TUSC3: variants seen among roughly 807,000 people sequenced by gnomAD.
The protein encoded by TUSC3 is dolichyl-diphosphooligosaccharide--protein glycosyltransferase subunit TUSC3.
A neutral mutation model predicts 44.8 loss-of-function variants in TUSC3; 45 were observed. That is an observed-to-expected ratio of 1.00 (90% CI 0.79 to 1.29). The LOEUF (loss-of-function observed/expected upper bound fraction) is 1.29, where lower values mean the gene tolerates loss of function less well. Among genes scored for constraint, TUSC3 ranks in the 50% most tolerant of loss-of-function variants. The pLI is 0.00. For missense variants in TUSC3, 519 were observed against 437.9 expected (o/e 1.19, Z -1.65); for synonymous variants, 212 against 152.9 (o/e 1.39, Z -2.85).
chr8:15,611,455 G>A (rs138794524), intron 1 of TUSC3, among the ~76,000 whole-genome samples: 2 of 152,264 alleles, frequency 1.3e-5, no homozygotes, highest in Non-Finnish European at 2.9e-5. Flanking sequence ...CCAAAGTGCT[G>A]GGATTACAGG....
intron 7 of TUSC3, among the ~76,000 whole-genome samples, chr8:15,733,933 A>G (rs757992108): frequency 2.6e-5 from 4 of 152,112 alleles, no homozygotes; most frequent in Non-Finnish European, 4.4e-5. Context: ...GGTTCTAGCT[A>G]CTTGGGAGGC....
intron 3 of TUSC3, among the ~76,000 whole-genome samples, chr8:15,659,289 TG>T (rs1807314470): frequency 6.6e-6 from 1 of 152,116 alleles, no homozygotes; most frequent in African/African-American, 2.4e-5. Flanking sequence ...GAATGATGTA[TG>T]TTAAATGTGA....
At chr8:15,613,101 GTGTT>G (rs1804832994) in intron 1 of TUSC3, among the ~76,000 whole-genome samples, 2 of 148,264 alleles carry the variant, frequency 1.3e-5, no homozygotes, top group African/African-American at 5.0e-5. Flanking sequence ...TATTTTATAT[GTGTT>G]TGTGTGTGTG....
intron 2 of TUSC3, among the ~76,000 whole-genome samples, chr8:15,629,559 T>TG (rs999965211): frequency 5.3e-5 from 8 of 151,118 alleles, no homozygotes; most frequent in African/African-American, 1.9e-4. Flanking sequence ...TCTTGTTTTT[T>TG]TTTTTTTTTT....
At chr8:15,676,807 T>G (rs1808211357) in intron 6 of TUSC3, among the ~76,000 whole-genome samples, 1 of 152,182 alleles carries the variant, frequency 6.6e-6, no homozygotes, top group Non-Finnish European at 1.5e-5. Context: ...AGATGTAATT[T>G]TGACTTCCTG....
chr8:15,652,954 G>C (rs896027066), intron 3 of TUSC3, among the ~76,000 whole-genome samples: 1 of 152,138 alleles, frequency 6.6e-6, no homozygotes, highest in African/African-American at 2.4e-5. Flanking sequence ...GATACCTGAT[G>C]TACTAAGTAC....
intron 1 of TUSC3, among the ~76,000 whole-genome samples, chr8:15,541,529 C>T (rs891011501): frequency 6.6e-6 from 1 of 152,144 alleles, no homozygotes; most frequent in African/African-American, 2.4e-5. Context: ...TGGGTAGAGA[C>T]AGTGAAAAAA....
chr8:15,685,267 C>G (rs934995395), intron 6 of TUSC3, among the ~76,000 whole-genome samples: 16 of 152,206 alleles, frequency 1.1e-4, no homozygotes, highest in Middle Eastern at 3.4e-3. Context: ...TTCCTTCACT[C>G]ACCGCTTCCT....
intron 1 of TUSC3, among the ~76,000 whole-genome samples, chr8:15,604,294 G>A (rs892298140): frequency 6.6e-6 from 1 of 151,576 alleles, no homozygotes; most frequent in Non-Finnish European, 1.5e-5. Flanking sequence ...AAAAGAGGGG[G>A]AAAGTAAGAT....
chr8:15,667,021 G>C (rs768475782), intron 5 of TUSC3, among the ~76,000 whole-genome samples: 2 of 151,448 alleles, frequency 1.3e-5, no homozygotes, highest in African/African-American at 4.8e-5. Context: ...TTTAGCATTT[G>C]AATGTTCTTG....
chr8:15,662,557 A>C (rs1255831989), intron 5 of TUSC3, among the ~76,000 whole-genome samples: 1 of 152,010 alleles, frequency 6.6e-6, no homozygotes, highest in African/African-American at 2.4e-5. Flanking sequence ...ACATCTAGAA[A>C]TATGGTAAGA....
the TUSC3 span, among the ~76,000 whole-genome samples, chr8:15,771,863 C>T: frequency 9.9e-5 from 15 of 152,068 alleles, no homozygotes; most frequent in African/African-American, 3.6e-4. Context: ...CCGAGACAGG[C>T]GGATCACAAG....
chr8:15,517,091 A>G (rs1030662402), intron 2 of TUSC3, among the ~76,000 whole-genome samples: 1 of 152,110 alleles, frequency 6.6e-6, no homozygotes, highest in South Asian at 2.1e-4. Flanking sequence ...CAATAGCTGC[A>G]TTTTCAATGG....
rs527289537 is a variant in TUSC3, at chr8:15,423,388, C to T, written n.91+6083C>T. Among the ~76,000 whole-genome samples, 37 of 152,274 alleles carry T rather than the reference C, an allele frequency of 2.4e-4. 1 individual carries two copies. The highest frequency in any genetic ancestry group is 2.0e-3 in the Admixed American group (31 of 15,290). Reference sequence around the variant, plus strand: ...GAATGTCAAGGTCAACCTTACTTTTCGGATACTGTCTCCTAGATTTTTCTA... The same window carrying T: ...GAATGTCAAGGTCAACCTTACTTTTTGGATACTGTCTCCTAGATTTTTCTA... On this transcript the variant is annotated intron_variant and non_coding_transcript_variant, in intron 1 of 5. Transcript: ENST00000503191.
the TUSC3 span, among the ~76,000 whole-genome samples, chr8:15,772,976 C>CT: frequency 3.0e-4 from 4 of 13,398 alleles, no homozygotes; most frequent in African/African-American, 1.5e-3. Flanking sequence ...AAAGTGAACA[C>CT]AAACACTCAA....
chr8:15,692,367 CCCCCTTTG>C (rs1563175813), intron 6 of TUSC3, among the ~76,000 whole-genome samples: 2 of 127,062 alleles, frequency 1.6e-5, no homozygotes, highest in African/African-American at 5.9e-5. Flanking sequence ...ACCCCCCCCC[CCCCCTTTG>C]TTTTTTTTTT....
intron 1 of TUSC3, among the ~76,000 whole-genome samples, chr8:15,580,886 TCTC>T (rs1326433677): frequency 1.4e-5 from 2 of 140,910 alleles, no homozygotes; most frequent in Non-Finnish European, 3.0e-5. Context: ...TTGGGGAAGT[TCTC>T]CTGGATAATA....
chr8:15,623,042 G>T (rs1340969697), intron 1 of TUSC3, 38 bp from the exon 2 acceptor site: 3 of 1,604,120 alleles, frequency 1.9e-6, no homozygotes, highest in Non-Finnish European at 2.6e-6. Flanking sequence ...AAAGGACTTT[G>T]ACTCTTTGTA....
chr8:15,777,043 A>G, the TUSC3 span, among the ~76,000 whole-genome samples: 3 of 152,112 alleles, frequency 2.0e-5, no homozygotes, highest in Non-Finnish European at 2.9e-5. Flanking sequence ...TGTATTTTAC[A>G]TGTTCTCGGT....
Sources: allele counts gnomAD v4.1 joint callset (sites outside exome capture counted in the v4.1 genomes callset), GRCh38; gene constraint gnomAD v4.1.1; transcripts MANE v1.5; gene names NCBI Gene and HGNC (gene_info 2026-07-23, HGNC 2026-07-21).